ATP8B4: variants seen among roughly 807,000 people sequenced by gnomAD.
The protein encoded by ATP8B4 is ATPase phospholipid transporting 8B4 (putative).
ATP8B4 carries 133 observed loss-of-function variants against 145.6 expected under a neutral mutation model. The ratio of observed to expected loss-of-function variants is 0.91; its 90% CI spans 0.79 to 1.05. The LOEUF (loss-of-function observed/expected upper bound fraction) is 1.05. Ranked by LOEUF, ATP8B4 falls within the 50% of genes least tolerant of loss-of-function variation. The pLI is 0.00. For synonymous variants in ATP8B4, 507 were observed against 492.9 expected (o/e 1.03, Z -0.38); for missense variants, 1,458 against 1,425.2 (o/e 1.02, Z -0.37).
intron 14 of ATP8B4, among the ~76,000 whole-genome samples, chr15:49,948,792 CTTTAG>C (rs2042807895): frequency 6.6e-6 from 1 of 151,870 alleles, no homozygotes; most frequent in South Asian, 2.1e-4. Flanking sequence ...TGCAGAAGCT[CTTTAG>C]TTTAATTACA....
chr15:49,990,962 C>T (rs2046999560), intron 9 of ATP8B4, among the ~76,000 whole-genome samples: 1 of 152,120 alleles, frequency 6.6e-6, no homozygotes, highest in Non-Finnish European at 1.5e-5. Flanking sequence ...TGTCACCTTC[C>T]TATTTTCTAA....
At chr15:49,860,657 C>G (rs1466968109) in intron 27 of ATP8B4, among the ~76,000 whole-genome samples, 182 bp from the exon 28 acceptor site, 1 of 152,038 alleles carries the variant, frequency 6.6e-6, no homozygotes, top group Non-Finnish European at 1.5e-5. Context: ...GGGCACTGGT[C>G]CATTTTTATC....
chr15:49,898,946 T>A (rs2037724749), intron 21 of ATP8B4, among the ~76,000 whole-genome samples: 1 of 151,614 alleles, frequency 6.6e-6, no homozygotes, highest in African/African-American at 2.4e-5. Context: ...AACTGTGCAA[T>A]TTTTTTTTCC....
At chr15:49,878,664 G>T (rs924731729) in intron 24 of ATP8B4, among the ~76,000 whole-genome samples, 4 of 152,156 alleles carry the variant, frequency 2.6e-5, no homozygotes, top group Admixed American at 6.6e-5. Flanking sequence ...CTCTGAGTAT[G>T]CCAAGGATCT....
At chr15:50,063,291 G>T (rs1383394174) in intron 3 of ATP8B4, among the ~76,000 whole-genome samples, 1 of 151,812 alleles carries the variant, frequency 6.6e-6, no homozygotes, top group African/African-American at 2.4e-5. Context: ...ATTGTGTTGT[G>T]CTCAGTATTT....
intron 9 of ATP8B4, among the ~76,000 whole-genome samples, chr15:49,993,189 T>C (rs1449352931): frequency 6.6e-6 from 1 of 151,916 alleles, no homozygotes; most frequent in African/African-American, 2.4e-5. Flanking sequence ...CTTAAACTAA[T>C]ATGGAGAGAG....
Position 49,862,393 on chromosome 15 carries a change from A to T in ATP8B4, c.3167-18T>A. The T allele has an allele frequency of 6.2e-7, 1 of 1,611,548 alleles. No homozygotes were observed. The highest frequency in any genetic ancestry group is 8.5e-7 in the Non-Finnish European group (1 of 1,178,334). ...TGCATTACCTATCAATCATTAAAGA[A>T]AATATACACTGTGGTTACAAGTAGG... On this transcript the variant is annotated intron_variant, in intron 26 of 27. Coordinates refer to ENST00000284509, the MANE Select transcript of ATP8B4 (RefSeq NM_024837.4).
chr15:49,983,710 C>T (rs2046354174), intron 10 of ATP8B4, among the ~76,000 whole-genome samples: 1 of 152,206 alleles, frequency 6.6e-6, no homozygotes, highest in African/African-American at 2.4e-5. Flanking sequence ...AATGGCGTCC[C>T]TAAGCTCTTA....
At chr15:50,143,317 C>T (rs2414027) in intron 1 of ATP8B4, among the ~76,000 whole-genome samples, 47,363 of 152,078 alleles carry the variant, frequency 0.31, 8,114 homozygotes, top group East Asian at 0.49. Flanking sequence ...TCTGCAGTCA[C>T]CCAGGGGCTT....
At chr15:50,088,665 T>C (rs1457044419) in intron 2 of ATP8B4, among the ~76,000 whole-genome samples, 8 of 152,204 alleles carry the variant, frequency 5.3e-5, no homozygotes, top group Non-Finnish European at 7.3e-5. Context: ...ATTTATTTTG[T>C]TGATTGTCTT....
At chr15:49,910,035 A>G (rs895768337) in intron 20 of ATP8B4, among the ~76,000 whole-genome samples, 1 of 152,178 alleles carries the variant, frequency 6.6e-6, no homozygotes, top group Non-Finnish European at 1.5e-5. Flanking sequence ...AAATAATTCA[A>G]AATAATGATA....
intron 5 of ATP8B4, among the ~76,000 whole-genome samples, chr15:50,039,107 T>C (rs997947179): frequency 1.3e-5 from 2 of 152,236 alleles, no homozygotes; most frequent in Non-Finnish European, 2.9e-5. Context: ...GAAGACAATA[T>C]GCTCTCTACT....
In ATP8B4 at chr15:50,085,951, T is replaced by TCAA. The variant is rs1262791671; in HGVS notation, c.29-11767_29-11766insTTG. Reference sequence around the variant, plus strand: ...ATCATATATATTTATATATGATATATATCATATATATTTATATATGATATA... The same window carrying TCAA: ...ATCATATATATTTATATATGATATATCAAATCATATATATTTATATATGATATA... On this transcript the variant is annotated intron_variant, in intron 2 of 27. Transcript: ENST00000284509. Among the ~76,000 whole-genome samples, 4 of 93,348 alleles carry TCAA rather than the reference T, an allele frequency of 4.3e-5. 1 individual carries two copies. The highest frequency in any genetic ancestry group is 7.6e-5 in the Non-Finnish European group (4 of 52,650). 61.2% of individuals were successfully genotyped at this position (93,348 alleles called of 152,430 possible).
At chr15:49,885,486 A>G (rs900716914) in intron 23 of ATP8B4, among the ~76,000 whole-genome samples, 1 of 152,246 alleles carries the variant, frequency 6.6e-6, no homozygotes, top group African/African-American at 2.4e-5. Context: ...TAATGCCCAG[A>G]GCAGGATCTA....
chr15:50,078,872 T>C (rs1370567735), intron 2 of ATP8B4, among the ~76,000 whole-genome samples: 1 of 152,004 alleles, frequency 6.6e-6, no homozygotes, highest in Non-Finnish European at 1.5e-5. Context: ...TAAAGAAAAA[T>C]ATTTTGAAAC....
chr15:50,162,445 A>G (rs1394928602), intron 1 of ATP8B4, among the ~76,000 whole-genome samples: 1 of 152,022 alleles, frequency 6.6e-6, no homozygotes, highest in East Asian at 1.9e-4. Context: ...TTTGAGACCA[A>G]TGACTCTTAG....
At chr15:49,866,308 C>A (rs1326814453) in intron 26 of ATP8B4, 38 bp downstream of exon 26, 3 of 1,599,448 alleles carry the variant, frequency 1.9e-6, no homozygotes. Flanking sequence ...TAAACAGCAG[C>A]AGACACTAGG....
intron 1 of ATP8B4, among the ~76,000 whole-genome samples, chr15:50,147,347 CGGA>C (rs1299880922): frequency 6.9e-6 from 1 of 145,444 alleles, no homozygotes; most frequent in East Asian, 2.0e-4. Context: ...ACTGGGGAGG[CGGA>C]GGTTGCAGTG....
chr15:50,063,561 C>T (rs1193094622), intron 3 of ATP8B4, among the ~76,000 whole-genome samples: 3 of 152,166 alleles, frequency 2.0e-5, no homozygotes, highest in Non-Finnish European at 2.9e-5. Context: ...AAATGTGACA[C>T]GGTTCTTGTC....
Sources: gnomAD v4.1 joint callset for allele counts (sites outside exome capture counted in the v4.1 genomes callset) on GRCh38, gnomAD v4.1.1 for gene constraint, MANE v1.5 for transcripts, NCBI Gene and HGNC (gene_info 2026-07-23, HGNC 2026-07-21) for gene names.